Variants in GANC observed in about 807,000 individuals in gnomAD.
GANC encodes neutral alpha-glucosidase C.
GANC carries 117 observed loss-of-function variants against 124.2 expected under a neutral mutation model. The observed-to-expected ratio is 0.94, with a 90% CI of 0.81 to 1.10. GANC has a LOEUF of 1.10. GANC is among the 50% of genes least tolerant of loss of function. The pLI is 0.00. For synonymous variants in GANC, 377 were observed against 376.8 expected, an observed-to-expected ratio of 1.00 and a Z score of -0.01; for missense variants, 1,140 against 1,095.0, an observed-to-expected ratio of 1.04 and a Z score of -0.58.
intron 8 of GANC, among the ~76,000 whole-genome samples, chr15:42,309,851 T>C (rs2052033989): frequency 1.3e-5 from 2 of 151,864 alleles, no homozygotes; most frequent in South Asian, 4.2e-4. Context: ...AAACCGCATC[T>C]CTACCAAAAA....
intron 3 of GANC, chr15:42,283,583 T>G: frequency 1.4e-6 from 1 of 696,774 alleles, no homozygotes; most frequent in East Asian, 2.7e-5. Context: ...AGGTGACCAT[T>G]TGGCAACACG....
chr15:42,273,568 G>A lies in GANC; in HGVS notation c.-914G>A. ...TCTCAGACAGTCGTCTGTGCGCCGT[G>A]AGACTTTGGACCTACTGCGCAGGCG... On this transcript the variant is annotated 5_prime_UTR_variant, in exon 1 of 24. Coordinates refer to ENST00000318010, the MANE Select transcript of GANC (RefSeq NM_198141.3). 1.6e-6 allele frequency: 2 copies of A among 1,221,102 alleles called. No homozygotes were observed. The highest frequency in any genetic ancestry group is 1.1e-6 in the Non-Finnish European group (1 of 895,862). 75.6% of individuals were successfully genotyped at this position (1,221,102 alleles called of 1,614,324 possible).
chr15:42,337,180 G>A (rs144455668), intron 15 of GANC, among the ~76,000 whole-genome samples: 149 of 152,182 alleles, frequency 9.8e-4, no homozygotes, highest in African/African-American at 2.8e-3. Flanking sequence ...AGACACATGC[G>A]CGTGTATGTT....
rs1034277527 is a variant in GANC at position 42,274,503 on chromosome 15, G to A, written c.22G>A (p.Glu8Lys). 1.1e-5 allele frequency: 18 copies of A among 1,610,144 alleles called. No homozygotes were observed. Among genetic ancestry groups the A allele is most frequent in the Non-Finnish European group, 1.4e-5 (17 of 1,178,404 alleles). The change falls in exon 1 of 24, where the codon GAA becomes AAA. Residue 8 changes from glutamate (E) to lysine (K), a missense_variant. By Grantham distance (56) the Glu-to-Lys change is moderately conservative. Coordinates refer to ENST00000318010, the MANE Select transcript of GANC (RefSeq NM_198141.3). MEAAVKE[E>K]ISLEDEAVDK... ...AGCCATGGAAGCAGCAGTGAAAGAG[G>A]AAATAAGGTAAAGGCCAAGTGCTTC...
In GANC at chr15:42,276,393, CAAG is replaced by C; in HGVS notation, c.77_79del (p.Lys26del). On this transcript the variant is annotated inframe_deletion, in exon 2 of 24. Transcript: ENST00000318010. ...ATAAAAACATTTTCAGAGACTGTAA[CAAG>C]ATCGCATTTTACAGGTAAGGAAAAT... is the stretch of plus-strand genomic sequence containing the variant. The C allele has an allele frequency of 7.0e-7, 1 of 1,432,604 alleles. No homozygotes were observed. The highest frequency in any genetic ancestry group is 1.1e-5 in the South Asian group (1 of 87,104). The allele number at this position is 1,432,604 out of a possible 1,614,324, so 88.7% of individuals were successfully genotyped here.
chr15:42,292,766 C>G lies in GANC; in HGVS notation c.361C>G (p.Leu121Val). ...TTCATGCTCTGGGGACACAGGCAGT[C>G]TGATATTGGCAGATGGAAAAGGAGA... ...LISCSGDTGS[L>V]ILADGKGDLK... Residue 121 changes from leucine (L) to valine (V), a missense_variant, in exon 5 of 24, where the codon CTG (leucine) becomes GTG (valine). Physicochemically the swap from Leu to Val is conservative, Grantham distance 32 (BLOSUM62 1). Coordinates refer to ENST00000318010, the MANE Select transcript of GANC (RefSeq NM_198141.3). The G allele has an allele frequency of 6.2e-7, 1 of 1,613,976 alleles. No homozygotes were observed. The highest frequency in any genetic ancestry group is 8.5e-7 in the Non-Finnish European group (1 of 1,179,920).
At chr15:42,321,217 G>T (rs2052153936) in intron 10 of GANC, among the ~76,000 whole-genome samples, 1 of 152,138 alleles carries the variant, frequency 6.6e-6, no homozygotes, top group African/African-American at 2.4e-5. Flanking sequence ...CATCTTGCCA[G>T]ACTTTTGATG....
At position 42,310,327 on chromosome 15, in the gene GANC, A is replaced by G; in HGVS notation, c.767A>G (p.Tyr256Cys). 1 of 1,612,856 alleles carries G rather than the reference A, an allele frequency of 6.2e-7. No homozygotes were observed. Among genetic ancestry groups the G allele is most frequent in the Non-Finnish European group, 8.5e-7 (1 of 1,179,130 alleles). Residue 256 changes from tyrosine (Y) to cysteine (C), a missense_variant, in exon 9 of 24, where the codon TAC becomes TGC. Transcript: ENST00000318010. ...CTTTATAACCTGGATGTCTATGGAT[A>G]CCAAATATATGATAAAATGGGCATT... The part of the protein sequence containing the change: ...YRLYNLDVYG[Y>C]QIYDKMGIYG...
chr15:42,292,862 A>G lies in GANC; in HGVS notation c.457A>G (p.Ile153Val). Residue 153 changes from isoleucine (I) to valine (V), a missense_variant, in exon 5 of 24, where the codon ATA (isoleucine) becomes GTA (valine). Coordinates refer to ENST00000318010, the MANE Select transcript of GANC (RefSeq NM_198141.3). Reference sequence around the variant, plus strand: ...GTCTGAAGAAGAGGTTGTGATTAGCATAAATTCCCTGGGCCAATTATACTT... The same window carrying G: ...GTCTGAAGAAGAGGTTGTGATTAGCGTAAATTCCCTGGGCCAATTATACTT... ...LVSEEEVVIS[I>V]NSLGQLYFEH... 3 of 1,614,176 alleles carry G rather than the reference A, an allele frequency of 1.9e-6. No homozygotes were observed. The highest frequency in any genetic ancestry group is 2.5e-6 in the Non-Finnish European group (3 of 1,179,996).
intron 5 of GANC, among the ~76,000 whole-genome samples, chr15:42,293,528 C>CTTTTTTTTTTTTTTTTTTTTTTTTTTTTT (rs1566951280): frequency 1.1e-4 from 16 of 151,914 alleles, no homozygotes; most frequent in African/African-American, 3.6e-4. Flanking sequence ...CAACTCATTT[C>CTTTTTTTTTTTTTTTTTTTTTTTTTTTTT]TGTTTTAAAA....
chr15:42,341,682 G>C (rs2052330351), intron 18 of GANC, among the ~76,000 whole-genome samples: 1 of 151,880 alleles, frequency 6.6e-6, no homozygotes, highest in African/African-American at 2.4e-5. Context: ...TCCCACCTCA[G>C]CCTCTCGAGT....
intron 10 of GANC, chr15:42,314,077 C>T: frequency 2.8e-6 from 2 of 715,912 alleles, no homozygotes; most frequent in South Asian, 1.5e-5. Flanking sequence ...ACCTCTTTTA[C>T]AGACATTGGA....
intron 1 of GANC, 54 bp from the exon 2 acceptor site, chr15:42,276,294 T>G: frequency 1.2e-6 from 1 of 839,306 alleles, no homozygotes; most frequent in South Asian, 1.4e-5. Flanking sequence ...GGTACAAAAG[T>G]TGGATTCACA....
At chr15:42,327,489 A>C (rs2052207649) in intron 13 of GANC, 47 bp downstream of exon 13, 1 of 1,357,732 alleles carries the variant, frequency 7.4e-7, no homozygotes, top group African/African-American at 1.4e-5. Flanking sequence ...GAAAGAGTGA[A>C]AGAAGTGGAA....
intron 3 of GANC, among the ~76,000 whole-genome samples, chr15:42,282,213 C>T (rs2051740809): frequency 6.6e-6 from 1 of 152,040 alleles, no homozygotes; most frequent in Admixed American, 6.6e-5. Context: ...CCCAGCTACT[C>T]AGGAGGCTGA....
chr15:42,330,505 T>TA (rs2052233687), intron 14 of GANC, 71 bp from the exon 15 acceptor site: 2 of 1,042,528 alleles, frequency 1.9e-6, no homozygotes, highest in East Asian at 4.9e-5. Context: ...TTTTGTATGT[T>TA]AGATAGCTTA....
At chr15:42,312,257 A>G (rs146778610) in intron 10 of GANC, among the ~76,000 whole-genome samples, 2 of 152,354 alleles carry the variant, frequency 1.3e-5, no homozygotes, top group Non-Finnish European at 2.9e-5. Flanking sequence ...TACTTCTTAT[A>G]TGATTTGGCT....
intron 6 of GANC, among the ~76,000 whole-genome samples, chr15:42,303,187 T>A (rs1056360261): frequency 1.3e-5 from 2 of 151,936 alleles, no homozygotes; most frequent in South Asian, 4.2e-4. Context: ...CAGAAGAGAG[T>A]GGGGGCCAAT....
In GANC at chr15:42,274,517, G is replaced by C. The variant is rs372775800; in HGVS notation, c.29+7G>C. 1.2e-6 allele frequency: 2 copies of C among 1,607,696 alleles called. No individual in the cohort carries two copies. Among genetic ancestry groups the C allele is most frequent in the Non-Finnish European group, 8.5e-7 (1 of 1,177,332 alleles). ...CAGTGAAAGAGGAAATAAGGTAAAG[G>C]CCAAGTGCTTCTGTAGCGAGTGACC... On this transcript the variant is annotated splice_region_variant and intron_variant, in intron 1 of 23. Transcript: ENST00000318010.
Sources: gnomAD v4.1 joint callset for allele counts (sites outside exome capture counted in the v4.1 genomes callset) on GRCh38, gnomAD v4.1.1 for gene constraint, MANE v1.5 for transcripts, NCBI Gene and HGNC (gene_info 2026-07-23, HGNC 2026-07-21) for gene names.